The following ABCB7 variants were observed in gnomAD, a reference collection of about 807,000 sequenced individuals.
ABCB7 encodes the protein iron-sulfur clusters transporter ABCB7, mitochondrial.
In ABCB7, 7 loss-of-function variants were observed where a neutral mutation model predicts 54.4. The ratio of observed to expected loss-of-function variants is 0.13; its 90% CI spans 0.07 to 0.24. The LOEUF (loss-of-function observed/expected upper bound fraction) is 0.24. Ranked by LOEUF, ABCB7 falls within the 10% of genes least tolerant of loss-of-function variation. The probability of loss-of-function intolerance (pLI) is 1.00; values close to 1 mark genes in which losing one functional copy is unlikely to be tolerated. For synonymous variants in ABCB7, 218 were observed against 207.1 expected (o/e 1.05, Z -0.45); for missense variants, 356 against 570.4 (o/e 0.62, Z 3.83).
intron 1 of ABCB7, among the ~76,000 whole-genome samples, chrX:75,134,973 C>T (rs984672622): frequency 4.5e-5 from 5 of 110,079 alleles, no homozygotes; most frequent in African/African-American, 6.6e-5. Context: ...TAACCAAAAT[C>T]GAGCTAAACT....
Position 75,130,318 on chromosome X carries a change from G to A in ABCB7, c.169-15487C>T, listed in dbSNP as rs1447510496. Reference sequence around the variant, plus strand: ...CTCCACTAAGGCAACAATTTAGCTAGCAAAAACTGTCAGATCTCAATCAAC... The same window carrying A: ...CTCCACTAAGGCAACAATTTAGCTAACAAAAACTGTCAGATCTCAATCAAC... On this transcript the variant is annotated intron_variant, in intron 1 of 15. Coordinates refer to ENST00000373394, the MANE Select transcript of ABCB7 (RefSeq NM_001271696.3). Among the ~76,000 whole-genome samples the A allele has an allele frequency of 2.7e-5, 3 of 112,176 alleles. No homozygotes were observed. In the Admixed American group the frequency reaches 2.8e-4, roughly 11 times the overall value.
chrX:75,094,157 T>G (rs2081570746), intron 4 of ABCB7, among the ~76,000 whole-genome samples: 1 of 107,486 alleles, frequency 9.3e-6, no homozygotes, highest in African/African-American at 3.4e-5. Context: ...AGGGTGTTTA[T>G]TTTTATAAAT....
At chrX:75,068,537 C>G (rs1026161771) in intron 12 of ABCB7, among the ~76,000 whole-genome samples, 1 of 112,190 alleles carries the variant, frequency 8.9e-6, no homozygotes, top group African/African-American at 3.2e-5. Flanking sequence ...GGCAGACAAG[C>G]TACTTTGTAA....
At chrX:75,061,986 C>A (rs2081285405) in intron 14 of ABCB7, among the ~76,000 whole-genome samples, 1 of 112,217 alleles carries the variant, frequency 8.9e-6, no homozygotes, top group South Asian at 3.7e-4. Flanking sequence ...TGTTAAGTGG[C>A]AATAGGAGAG....
chrX:75,153,253 G>C (rs1281576581), intron 1 of ABCB7, among the ~76,000 whole-genome samples: 1 of 110,574 alleles, frequency 9.0e-6, no homozygotes, highest in Non-Finnish European at 1.9e-5. Flanking sequence ...AATTTTTTTT[G>C]TATTTTTAGT....
At chrX:75,139,194 A>G (rs2030616802) in intron 1 of ABCB7, among the ~76,000 whole-genome samples, 1 of 110,833 alleles carries the variant, frequency 9.0e-6, no homozygotes, top group Admixed American at 9.6e-5. Context: ...CCTCTGCTCA[A>G]AATTATCTAA....
At chrX:75,062,233 T>C (rs765790770) in intron 14 of ABCB7, 95 bp downstream of exon 14, 1 of 800,815 alleles carries the variant, frequency 1.2e-6, no homozygotes, top group East Asian at 3.4e-5. Context: ...ACTATTGAAG[T>C]TTATTCAAAA....
intron 1 of ABCB7, among the ~76,000 whole-genome samples, chrX:75,127,627 T>C (rs1172708499): frequency 1.8e-5 from 2 of 111,606 alleles, no homozygotes; most frequent in African/African-American, 6.5e-5. Context: ...ATTGTCTCTG[T>C]TTGCAAATGA....
chrX:75,101,168 T>C (rs2081636602), intron 3 of ABCB7, among the ~76,000 whole-genome samples: 1 of 110,777 alleles, frequency 9.0e-6, no homozygotes, highest in African/African-American at 3.3e-5. Flanking sequence ...GGCTAGCTTC[T>C]ACTTTTTATA....
At chrX:75,119,990 G>C (rs1268035653) in intron 1 of ABCB7, among the ~76,000 whole-genome samples, 2 of 111,685 alleles carry the variant, frequency 1.8e-5, no homozygotes, top group East Asian at 5.6e-4. Flanking sequence ...TTAGAATAGA[G>C]AAAAAAACTT....
At chrX:75,113,598 A>G (rs1349374712) in intron 2 of ABCB7, among the ~76,000 whole-genome samples, 1 of 111,803 alleles carries the variant, frequency 8.9e-6, no homozygotes, top group Non-Finnish European at 1.9e-5. Flanking sequence ...CATGGAACAT[A>G]CCACAGTATC....
At chrX:75,147,063 A>C (rs1013968540) in intron 1 of ABCB7, among the ~76,000 whole-genome samples, 31 of 112,049 alleles carry the variant, frequency 2.8e-4, no homozygotes, top group African/African-American at 9.4e-4. Flanking sequence ...CACAAAAAAA[A>C]AAATGCTCAA....
intron 13 of ABCB7, 35 bp downstream of exon 13, chrX:75,065,035 T>A (rs781211925): frequency 4.0e-5 from 48 of 1,201,438 alleles, no homozygotes; most frequent in Non-Finnish European, 4.9e-5. Flanking sequence ...GAAAGAAGTA[T>A]ACAAGAAGGG....
intron 1 of ABCB7, among the ~76,000 whole-genome samples, chrX:75,127,512 C>T (rs1181083471): frequency 2.7e-5 from 3 of 111,780 alleles, no homozygotes; most frequent in Non-Finnish European, 5.6e-5. Flanking sequence ...GACATGGATG[C>T]CCTCTTTCAC....
chrX:75,061,738 T>C (rs1323749458), intron 14 of ABCB7, among the ~76,000 whole-genome samples: 1 of 112,202 alleles, frequency 8.9e-6, no homozygotes, highest in Non-Finnish European at 1.9e-5. Flanking sequence ...GACTTTTGTA[T>C]GTAATGTAAA....
At chrX:75,148,886 C>A (rs762762331) in intron 1 of ABCB7, among the ~76,000 whole-genome samples, 17 of 111,514 alleles carry the variant, frequency 1.5e-4, no homozygotes, top group Admixed American at 1.3e-3. Context: ...CACACATGTA[C>A]ATGCACAGTT....
intron 10 of ABCB7, 122 bp from the exon 11 acceptor site, chrX:75,069,576 A>T: frequency 5.8e-6 from 4 of 687,074 alleles, no homozygotes; most frequent in Non-Finnish European, 8.8e-6. Flanking sequence ...TTATAAGTGG[A>T]CTTAGACCAC....
At chrX:75,152,818 C>T (rs894819256) in intron 1 of ABCB7, among the ~76,000 whole-genome samples, 1 of 109,965 alleles carries the variant, frequency 9.1e-6, no homozygotes, top group African/African-American at 3.3e-5. Flanking sequence ...CGTGACCATG[C>T]CCAGCTGCTT....
intron 6 of ABCB7, 73 bp downstream of exon 6, chrX:75,075,289 A>G: frequency 1.8e-6 from 2 of 1,133,246 alleles, no homozygotes; most frequent in Non-Finnish European, 2.4e-6. Flanking sequence ...CAACAGTACA[A>G]CAGCTTCAAA....
Sources: gnomAD v4.1 joint callset for allele counts (sites outside exome capture counted in the v4.1 genomes callset) on GRCh38, gnomAD v4.1.1 for gene constraint, MANE v1.5 for transcripts, NCBI Gene and HGNC (gene_info 2026-07-23, HGNC 2026-07-21) for gene names.